GALNTL6: variants seen among roughly 807,000 people sequenced by gnomAD.
GALNTL6 encodes polypeptide N-acetylgalactosaminyltransferase like 6.
A neutral mutation model predicts 73.7 loss-of-function variants in GALNTL6; 46 were observed. The observed-to-expected ratio is 0.62, with a 90% confidence interval of 0.49 to 0.80. The LOEUF (loss-of-function observed/expected upper bound fraction) is 0.80. GALNTL6 is among the 30% of genes least tolerant of loss of function. The pLI, the probability that GALNTL6 is intolerant of heterozygous loss-of-function variation, is 0.00. For missense variants in GALNTL6, 604 were observed against 755.0 expected, an observed-to-expected ratio of 0.80 and a Z score of 2.34; for synonymous variants, 259 against 263.7, an observed-to-expected ratio of 0.98 and a Z score of 0.17.
At chr4:171,953,225 C>CCTGTGT (rs142906020) in intron 2 of GALNTL6, among the ~76,000 whole-genome samples, 2 of 147,024 alleles carry the variant, frequency 1.4e-5, no homozygotes. Context: ...CGCATGCGCA[C>CCTGTGT]GTGTGTGTGT....
At chr4:172,619,706 T>C (rs779835390) in intron 5 of GALNTL6, among the ~76,000 whole-genome samples, 18 of 152,212 alleles carry the variant, frequency 1.2e-4, no homozygotes, top group East Asian at 3.9e-4. Context: ...AGCTTTGTTT[T>C]TTAAGTGTCT....
At chr4:172,427,395 A>C (rs898246157) in intron 5 of GALNTL6, among the ~76,000 whole-genome samples, 2 of 152,086 alleles carry the variant, frequency 1.3e-5, no homozygotes, top group African/African-American at 4.8e-5. Context: ...ACAGCATGGG[A>C]AAGACCTGCC....
At chr4:172,713,159 G>C (rs777074612) in intron 5 of GALNTL6, among the ~76,000 whole-genome samples, 1 of 151,004 alleles carries the variant, frequency 6.6e-6, no homozygotes, top group Non-Finnish European at 1.5e-5. Context: ...ATACTGTTAC[G>C]TGCTGTATCG....
intron 2 of GALNTL6, among the ~76,000 whole-genome samples, chr4:172,156,540 A>AGTATATATATATATATAT (rs58197299): frequency 1.6e-5 from 2 of 125,164 alleles, no homozygotes; most frequent in African/African-American, 6.8e-5. Flanking sequence ...ATATATATAT[A>AGTATATATATATATATAT]ATATATATAT....
At chr4:172,902,474 C>T (rs1397750464) in intron 8 of GALNTL6, among the ~76,000 whole-genome samples, 1 of 152,138 alleles carries the variant, frequency 6.6e-6, no homozygotes, top group Non-Finnish European at 1.5e-5. Flanking sequence ...AATCTGGTTT[C>T]CACTGCCCTT....
At chr4:171,960,525 C>G (rs1447938868) in intron 2 of GALNTL6, among the ~76,000 whole-genome samples, 2 of 151,920 alleles carry the variant, frequency 1.3e-5, no homozygotes, top group Non-Finnish European at 2.9e-5. Context: ...GGCAATCCAC[C>G]CACCTCAGCC....
intron 5 of GALNTL6, among the ~76,000 whole-genome samples, chr4:172,447,209 A>C (rs1732053654): frequency 6.6e-6 from 1 of 152,158 alleles, no homozygotes; most frequent in Non-Finnish European, 1.5e-5. Context: ...GCCACATTTG[A>C]GACACTATTT....
intron 2 of GALNTL6, among the ~76,000 whole-genome samples, chr4:172,194,817 A>G (rs555154916): frequency 6.6e-6 from 1 of 152,296 alleles, no homozygotes; most frequent in South Asian, 2.1e-4. Context: ...GGAAAGGAAA[A>G]ACTGTTACTA....
At chr4:172,364,166 T>A (rs944654061) in intron 5 of GALNTL6, among the ~76,000 whole-genome samples, 3 of 152,214 alleles carry the variant, frequency 2.0e-5, no homozygotes, top group African/African-American at 7.2e-5. Flanking sequence ...ATGCCTGTAT[T>A]TTCAGCCCTC....
At chr4:172,047,691 G>A (rs1742261023) in intron 2 of GALNTL6, among the ~76,000 whole-genome samples, 1 of 151,912 alleles carries the variant, frequency 6.6e-6, no homozygotes, top group African/African-American at 2.4e-5. Context: ...CCAAAATACA[G>A]AGTTAAAGGA....
intron 2 of GALNTL6, among the ~76,000 whole-genome samples, chr4:171,851,992 C>T (rs1022122875): frequency 6.6e-6 from 1 of 152,068 alleles, no homozygotes; most frequent in African/African-American, 2.4e-5. Context: ...TTTGTTTTTC[C>T]AAGTAAATTC....
intron 2 of GALNTL6, among the ~76,000 whole-genome samples, chr4:171,862,097 A>G (rs1735845100): frequency 6.6e-6 from 1 of 152,160 alleles, no homozygotes; most frequent in African/African-American, 2.4e-5. Flanking sequence ...GCTTGGGATA[A>G]CCAGTATTTC....
chr4:172,024,065 C>T (rs1252619440), intron 2 of GALNTL6, among the ~76,000 whole-genome samples: 1 of 151,778 alleles, frequency 6.6e-6, no homozygotes, highest in Admixed American at 6.6e-5. Flanking sequence ...CTATTCTAAA[C>T]ACCCATTCTC....
chr4:171,898,301 T>C (rs534601586), intron 2 of GALNTL6, among the ~76,000 whole-genome samples: 1 of 152,116 alleles, frequency 6.6e-6, no homozygotes, highest in Non-Finnish European at 1.5e-5. Context: ...CACATTGAAG[T>C]AGTTTGACAT....
chr4:172,676,625 T>A (rs1732317463), intron 5 of GALNTL6, among the ~76,000 whole-genome samples: 3 of 152,202 alleles, frequency 2.0e-5, no homozygotes, highest in Admixed American at 2.0e-4. Context: ...GGGTTAGACA[T>A]ATATTACTCC....
chr4:171,988,266 C>T (rs551407659), intron 2 of GALNTL6, among the ~76,000 whole-genome samples: 50 of 152,200 alleles, frequency 3.3e-4, no homozygotes, highest in Admixed American at 7.9e-4. Context: ...AAGGGATTGA[C>T]GTTTGGGAGA....
intron 5 of GALNTL6, among the ~76,000 whole-genome samples, chr4:172,401,220 T>G (rs567425948): frequency 2.2e-4 from 34 of 152,188 alleles, no homozygotes; most frequent in African/African-American, 7.7e-4. Context: ...ACATACCCAA[T>G]TGGTTTAGAA....
chr4:172,579,489 C>G (rs1737086292), intron 5 of GALNTL6, among the ~76,000 whole-genome samples: 1 of 152,106 alleles, frequency 6.6e-6, no homozygotes, highest in Admixed American at 6.6e-5. Context: ...AGGGCATTTA[C>G]CAATTTTGGT....
chr4:172,056,602 A>G (rs1731025878), intron 2 of GALNTL6, among the ~76,000 whole-genome samples: 1 of 152,054 alleles, frequency 6.6e-6, no homozygotes, highest in Non-Finnish European at 1.5e-5. Context: ...CTCTTGTGAA[A>G]CTGCTAAAAT....
Sources: allele counts gnomAD v4.1 joint callset (sites outside exome capture counted in the v4.1 genomes callset), GRCh38; gene constraint gnomAD v4.1.1; transcripts MANE v1.5; gene names NCBI Gene and HGNC (gene_info 2026-07-23, HGNC 2026-07-21).